Variants in GFRAL observed in about 807,000 individuals in gnomAD.
GFRAL encodes GDNF family receptor alpha-like.
A neutral mutation model predicts 45.4 loss-of-function variants in GFRAL; 36 were observed. That is an observed-to-expected ratio of 0.79 (90% confidence interval 0.61 to 1.05). The LOEUF (loss-of-function observed/expected upper bound fraction) is 1.05, where lower values mean the gene tolerates loss of function less well. Ranked by LOEUF, GFRAL falls within the 50% of genes least tolerant of loss-of-function variation. The pLI is 0.00. For missense variants in GFRAL, 507 were observed against 467.5 expected, an observed-to-expected ratio of 1.08 and a Z score of -0.78; for synonymous variants, 166 against 154.1, an observed-to-expected ratio of 1.08 and a Z score of -0.57.
At chr6:55,357,107 A>G (rs571852079) in intron 5 of GFRAL, among the ~76,000 whole-genome samples, 24 of 151,950 alleles carry the variant, frequency 1.6e-4, no homozygotes, top group Non-Finnish European at 2.7e-4. Flanking sequence ...CTTTTTAGCT[A>G]ACATATGGGT....
chr6:55,337,498 A>G (rs527778189), intron 3 of GFRAL, among the ~76,000 whole-genome samples: 2 of 152,302 alleles, frequency 1.3e-5, no homozygotes, highest in South Asian at 2.1e-4. Flanking sequence ...CCTTCCTTAC[A>G]TGATCTATTT....
Position 55,399,264 on chromosome 6 carries a change from C to A in GFRAL, c.1037C>A (p.Ser346Tyr). ...AAAATCACTTTAACTGGATTTCATT[C>A]CCCCTTCAATGGTCAGTTAAAAATC... is the stretch of plus-strand genomic sequence containing the variant. ...ANKITLTGFHSPFNGEVIYAA... is the reference protein window; with the variant it reads ...ANKITLTGFHYPFNGEVIYAA... Residue 346 changes from serine (S) to tyrosine (Y), a missense_variant, in exon 7 of 9, where the codon TCC (serine) becomes TAC (tyrosine). Transcript: ENST00000340465. The A allele has an allele frequency of 2.5e-6, 4 of 1,593,098 alleles. No homozygotes were observed. Among genetic ancestry groups the A allele is most frequent in the Non-Finnish European group, 3.4e-6 (4 of 1,162,818 alleles).
intron 3 of GFRAL, among the ~76,000 whole-genome samples, chr6:55,335,489 T>C (rs977200449): frequency 6.6e-5 from 10 of 152,178 alleles, no homozygotes; most frequent in African/African-American, 2.2e-4. Context: ...TCATAGATCA[T>C]ACTTTTGATG....
At chr6:55,341,954 G>A (rs910920731) in intron 3 of GFRAL, among the ~76,000 whole-genome samples, 9 of 152,046 alleles carry the variant, frequency 5.9e-5, no homozygotes, top group South Asian at 4.1e-4. Flanking sequence ...GAAAGGAAGC[G>A]AGAAGAGAAG....
At chr6:55,358,679 C>G (rs945359904) in intron 5 of GFRAL, among the ~76,000 whole-genome samples, 7 of 151,872 alleles carry the variant, frequency 4.6e-5, no homozygotes, top group African/African-American at 1.7e-4. Flanking sequence ...TCTTTCATCA[C>G]AAAAAAGGGA....
At chr6:55,365,891 C>G (rs1345668766) in intron 6 of GFRAL, among the ~76,000 whole-genome samples, 1 of 146,424 alleles carries the variant, frequency 6.8e-6, no homozygotes, top group East Asian at 2.0e-4. Flanking sequence ...GGATATTGGT[C>G]TAAAATTCTC....
chr6:55,328,238 T>C (rs1479191677), intron 1 of GFRAL, among the ~76,000 whole-genome samples: 1 of 151,974 alleles, frequency 6.6e-6, no homozygotes, highest in Non-Finnish European at 1.5e-5. Flanking sequence ...TGAATCTATT[T>C]GCTAGATGTG....
chr6:55,371,797 A>C (rs1768454141), intron 6 of GFRAL, among the ~76,000 whole-genome samples: 1 of 152,260 alleles, frequency 6.6e-6, no homozygotes, highest in Non-Finnish European at 1.5e-5. Flanking sequence ...ATAGAACTAA[A>C]GTATTCATTT....
At chr6:55,390,935 A>ACAC (rs764218405) in intron 6 of GFRAL, among the ~76,000 whole-genome samples, 813 of 81,126 alleles carry the variant, frequency 0.01, 5 homozygotes, top group African/African-American at 0.035. Context: ...CACACACACA[A>ACAC]GTAGTGGTCT....
In GFRAL at chr6:55,377,996, G is replaced by T. The variant is rs189248536; in HGVS notation, c.952+18858G>T. 1.4e-3 allele frequency among the ~76,000 whole-genome samples: 213 copies of T among 152,110 alleles called. 1 individual carries two copies. The highest frequency in any genetic ancestry group is 1.5e-3 in the Non-Finnish European group (105 of 67,950). On this transcript the variant is annotated intron_variant, in intron 6 of 8. Coordinates refer to ENST00000340465, the MANE Select transcript of GFRAL (RefSeq NM_207410.2). The stretch of plus-strand genomic sequence containing the variant: ...AAGATGCTTTGTGAAATACATCACT[G>T]AACTTTATTCATAGGAGAAGAAAGG...
At chr6:55,369,894 C>T (rs1051061580) in intron 6 of GFRAL, among the ~76,000 whole-genome samples, 1 of 152,058 alleles carries the variant, frequency 6.6e-6, no homozygotes, top group African/African-American at 2.4e-5. Context: ...TTGCCTGTGT[C>T]AGCTGTTTGT....
chr6:55,362,356 C>A (rs1768287286), intron 6 of GFRAL, among the ~76,000 whole-genome samples: 1 of 151,762 alleles, frequency 6.6e-6, no homozygotes, highest in Non-Finnish European at 1.5e-5. Context: ...TCCTATTAGT[C>A]TGAACTTCAT....
chr6:55,393,468 A>G (rs1768781645), intron 6 of GFRAL, among the ~76,000 whole-genome samples: 1 of 152,202 alleles, frequency 6.6e-6, no homozygotes, highest in African/African-American at 2.4e-5. Context: ...AGAGAATGAC[A>G]GATGGTTCTA....
At chr6:55,377,408 T>C (rs1272603899) in intron 6 of GFRAL, among the ~76,000 whole-genome samples, 1 of 151,906 alleles carries the variant, frequency 6.6e-6, no homozygotes, top group East Asian at 1.9e-4. Flanking sequence ...GTGGGATGGG[T>C]TGAGTGAGTT....
At chr6:55,384,606 C>G (rs539601237) in intron 6 of GFRAL, among the ~76,000 whole-genome samples, 2 of 152,164 alleles carry the variant, frequency 1.3e-5, no homozygotes, top group Admixed American at 1.3e-4. Context: ...ATTTTTGCTT[C>G]GCACTGGGTA....
chr6:55,375,814 T>C (rs1177289874), intron 6 of GFRAL, among the ~76,000 whole-genome samples: 1 of 152,124 alleles, frequency 6.6e-6, no homozygotes, highest in Non-Finnish European at 1.5e-5. Flanking sequence ...CAAAGATAAT[T>C]TGACTTCCTC....
rs761399509 is a variant in GFRAL at position 55,331,696 on chromosome 6, T to TTTG, written c.23-10_23-8dup. On this transcript the variant is annotated intron_variant, in intron 1 of 8. Coordinates refer to ENST00000340465, the MANE Select transcript of GFRAL (RefSeq NM_207410.2). ...GCCAAATTTATATTACAACCTTGTT[T>TTTG]TTGTTGTTGTTATTCAAGCTATGGG... 2 of 1,591,896 alleles carry TTTG rather than the reference T, an allele frequency of 1.3e-6. No homozygotes were observed. Among genetic ancestry groups the TTTG allele is most frequent in the South Asian group, 2.3e-5 (2 of 85,508 alleles).
rs188162866 is a variant in GFRAL, at chr6:55,390,962, G to C, written c.953-8218G>C. Among the ~76,000 whole-genome samples the C allele has an allele frequency of 2.3e-3, 355 of 151,484 alleles. 3 individuals carry two copies. Among genetic ancestry groups the C allele is most frequent in the African/African-American group, 8.3e-3 (343 of 41,258 alleles). On this transcript the variant is annotated intron_variant, in intron 6 of 8. Coordinates refer to ENST00000340465, the MANE Select transcript of GFRAL (RefSeq NM_207410.2). Reference sequence around the variant, plus strand: ...TAGTGGTCTAACTCACAGGGCATTGGATGGTGCATGCATATATTTTTACAG... The same window carrying C: ...TAGTGGTCTAACTCACAGGGCATTGCATGGTGCATGCATATATTTTTACAG...
At chr6:55,353,071 G>C (rs570202179) in intron 5 of GFRAL, among the ~76,000 whole-genome samples, 1 of 152,106 alleles carries the variant, frequency 6.6e-6, no homozygotes, top group South Asian at 2.1e-4. Context: ...TTTTAGAAAA[G>C]CAGTGAGGGT....
Sources: gnomAD v4.1 joint callset for allele counts (sites outside exome capture counted in the v4.1 genomes callset) on GRCh38, gnomAD v4.1.1 for gene constraint, MANE v1.5 for transcripts, NCBI Gene and HGNC (gene_info 2026-07-23, HGNC 2026-07-21) for gene names.